GALNT15: variants seen among roughly 807,000 people sequenced by gnomAD.
GALNT15 encodes UDP-GalNAc transferase T15.
A neutral mutation model predicts 66.8 loss-of-function variants in GALNT15; 67 were observed. The observed-to-expected ratio is 1.00, with a 90% confidence interval of 0.82 to 1.23. The LOEUF (loss-of-function observed/expected upper bound fraction) is 1.23. Ranked by LOEUF, GALNT15 falls within the 50% of genes most tolerant of loss-of-function variation. The pLI, the probability that GALNT15 is intolerant of heterozygous loss-of-function variation, is 0.00. For missense variants in GALNT15, 827 were observed against 804.3 expected (o/e 1.03, Z -0.34); for synonymous variants, 313 against 311.5 (o/e 1.00, Z -0.05).
chr3:16,221,451 T>G (rs181561761), intron 8 of GALNT15, among the ~76,000 whole-genome samples: 1 of 151,902 alleles, frequency 6.6e-6, no homozygotes, highest in Admixed American at 6.6e-5. Context: ...AAGAGGCAAC[T>G]GAAAGTAGAG....
rs1430682896 is a variant in GALNT15, at chr3:16,211,058, C to A, written c.1080-66C>A. The A allele has an allele frequency of 1.7e-6, 2 of 1,204,178 alleles. No homozygotes were observed. The highest frequency in any genetic ancestry group is 2.5e-6 in the Non-Finnish European group (2 of 813,006). The allele number at this position is 1,204,178 out of a possible 1,614,324, so 74.6% of individuals were successfully genotyped here. The stretch of plus-strand genomic sequence containing the variant: ...GGAGCTCCCACCTGGGAAGCCCCAG[C>A]CCCCAGCCTCGCCTGCTGTGCTCTG... On this transcript the variant is annotated intron_variant, in intron 4 of 9. Transcript: ENST00000339732. The surrounding 1 kb of genome is among the most constrained non-coding windows in gnomAD (Gnocchi z 4.3).
In GALNT15 at chr3:16,229,621, G is replaced by A. The variant is rs1213942905; in HGVS notation, c.*2121G>A. 2.5e-5 allele frequency: 25 copies of A among 985,276 alleles called. No homozygotes were observed. The highest frequency in any genetic ancestry group is 2.8e-5 in the Non-Finnish European group (23 of 829,936). The allele number at this position is 985,276 out of a possible 1,614,324, so 61.0% of individuals were successfully genotyped here. Reference sequence around the variant, plus strand: ...GATGGCGACCGTGTAAATGGTATTAGCGGCTGAAGAAAAAAAATTTTTCAA... The same window carrying A: ...GATGGCGACCGTGTAAATGGTATTAACGGCTGAAGAAAAAAAATTTTTCAA... On this transcript the variant is annotated 3_prime_UTR_variant, in exon 10 of 10. Transcript: ENST00000339732.
the GALNT15 span, among the ~76,000 whole-genome samples, chr3:16,246,844 A>T: frequency 6.6e-6 from 1 of 152,212 alleles, no homozygotes; most frequent in Non-Finnish European, 1.5e-5. Flanking sequence ...TTAAATAAAA[A>T]TTAGGTGGGA....
Position 16,198,439 on chromosome 3 carries a change from G to A in GALNT15, c.707-2180G>A, listed in dbSNP as rs1260143348. ...GAGCTGCTGCCAGCAGTGACAGGAA[G>A]TCTCGAGAGATACGTGTTTTTAGCT... On this transcript the variant is annotated intron_variant, in intron 2 of 9. Transcript: ENST00000339732. Among the ~76,000 whole-genome samples the A allele has an allele frequency of 1.4e-5, 2 of 142,412 alleles. 1 individual carries two copies. Among genetic ancestry groups the A allele is most frequent in the Admixed American group, 1.4e-4 (2 of 14,036 alleles). 93.4% of individuals were successfully genotyped at this position (142,412 alleles called of 152,430 possible). A position where few individuals can be genotyped will look rare whatever the true frequency, so the allele number is the denominator to read the frequency against.
rs1000227925 is a variant in GALNT15, at chr3:16,200,649, T to G, written c.737T>G (p.Val246Gly). The change falls in exon 3 of 10, where the codon GTG (valine) becomes GGG (glycine). Residue 246 changes from valine (V) to glycine (G), a missense_variant. Transcript: ENST00000339732. This position sits in a 1 kb window ranked among gnomAD's most constrained non-coding sequence, Gnocchi z 4.4. ...GQLKSALSEY[V>G]ARLEGVKLLR... ...CTCAAGTCTGCTCTCAGCGAATATG[T>G]GGCCAGGCTGGAGGGGGTGAAGTTA... 6.3e-7 allele frequency: 1 copy of G among 1,582,990 alleles called. No homozygotes were observed. Among genetic ancestry groups the G allele is most frequent in the Admixed American group, 1.8e-5 (1 of 55,964 alleles).
At chr3:16,217,889 T>C (rs913126114) in intron 6 of GALNT15, among the ~76,000 whole-genome samples, 3 of 152,242 alleles carry the variant, frequency 2.0e-5, no homozygotes, top group African/African-American at 4.8e-5. Context: ...AAGAAACTTA[T>C]ACTAATTTAC....
the GALNT15 span, among the ~76,000 whole-genome samples, chr3:16,247,991 A>G: frequency 2.6e-5 from 4 of 152,224 alleles, no homozygotes; most frequent in African/African-American, 9.6e-5. Context: ...CGAAAACTCT[A>G]CAGCCCACCT....
Position 16,200,638 on chromosome 3 carries a change from C to T in GALNT15, c.726C>T (p.Leu242=), listed in dbSNP as rs370015694. Residue 242 remains leucine, a synonymous_variant, in exon 3 of 10, where the codon CTC becomes CTT. Coordinates refer to ENST00000339732, the MANE Select transcript of GALNT15 (RefSeq NM_054110.5). This position sits in a 1 kb window ranked among gnomAD's most constrained non-coding sequence, Gnocchi z 4.4. ...LSQQGQLKSA[L]SEYVARLEGV... ...TTCCAGGACAACTCAAGTCTGCTCT[C>T]AGCGAATATGTGGCCAGGCTGGAGG... is the stretch of plus-strand genomic sequence containing the variant. The T allele has an allele frequency of 7.6e-6, 12 of 1,572,346 alleles. No individual in the cohort carries two copies. Among genetic ancestry groups the T allele is most frequent in the Non-Finnish European group, 1.0e-5 (12 of 1,159,104 alleles).
At chr3:16,218,810 C>CTTTTTTTTTTT (rs10538222) in intron 6 of GALNT15, among the ~76,000 whole-genome samples, 1 of 92,920 alleles carries the variant, frequency 1.1e-5, no homozygotes, top group Non-Finnish European at 2.0e-5. Context: ...CTCTCTCTCT[C>CTTTTTTTTTTT]TTTTTTTTTT....
Position 16,203,535 on chromosome 3 carries a change from T to TCA in GALNT15, c.911+2713_911+2714insAC, listed in dbSNP as rs1422914397. Among the ~76,000 whole-genome samples, 35 of 91,208 alleles carry TCA rather than the reference T, an allele frequency of 3.8e-4. No homozygotes were observed. The highest frequency in any genetic ancestry group is 1.3e-3 in the African/African-American group (34 of 25,994). The allele number at this position is 91,208 out of a possible 152,430, so 59.8% of individuals were successfully genotyped here. A position where few individuals can be genotyped will look rare whatever the true frequency, so the allele number is the denominator to read the frequency against. ...TGGTCACTCATTCTCTCTCTCTCTC[T>TCA]CTCTCTCTCACACACACACACACAC... On this transcript the variant is annotated intron_variant, in intron 3 of 9. Transcript: ENST00000339732. The surrounding 1 kb of genome is among the most constrained non-coding windows in gnomAD (Gnocchi z 6.2).
In GALNT15 at chr3:16,176,419, C is replaced by T. The variant is rs1406823591; in HGVS notation, c.539+729C>T. ...GTGAGCTCCAGTCTGCCTGACCCAC[C>T]ACTCCATGCCACCTGCCTTGGGCCA... On this transcript the variant is annotated intron_variant, in intron 1 of 9. Transcript: ENST00000339732. The surrounding 1 kb of genome is among the most constrained non-coding windows in gnomAD (Gnocchi z 5.6). Among the ~76,000 whole-genome samples, 1 of 152,188 alleles carries T rather than the reference C, an allele frequency of 6.6e-6. No individual in the cohort carries two copies. The highest frequency in any genetic ancestry group is 2.4e-5 in the African/African-American group (1 of 41,456).
intron 1 of GALNT15, among the ~76,000 whole-genome samples, chr3:16,179,850 C>T (rs2063450684): frequency 6.6e-6 from 1 of 152,140 alleles, no homozygotes; most frequent in South Asian, 2.1e-4. Flanking sequence ...GATGGAACCG[C>T]AAACAGGAAC....
chr3:16,229,118 C>A lies in GALNT15; in HGVS notation c.*1618C>A, dbSNP rs924933. On this transcript the variant is annotated 3_prime_UTR_variant, in exon 10 of 10. Transcript: ENST00000339732. ...CCTAAAGATGCTAATCTCCTTTGGG[C>A]TGTCTCAGAACACAGTATCCTTCAA... The A allele has an allele frequency of 0.15, 145,013 of 984,994 alleles. 11,086 individuals are homozygous for A. Among genetic ancestry groups the A allele is most frequent in the East Asian group, 0.27 (2,421 of 8,808 alleles). 61.0% of individuals were successfully genotyped at this position (984,994 alleles called of 1,614,324 possible). A position where few individuals can be genotyped will look rare whatever the true frequency, so the allele number is the denominator to read the frequency against.
At chr3:16,242,604 A>T in the GALNT15 span, among the ~76,000 whole-genome samples, 4 of 152,168 alleles carry the variant, frequency 2.6e-5, no homozygotes, top group East Asian at 7.7e-4. The surrounding 1 kb of genome is among the most constrained non-coding windows in gnomAD (Gnocchi z 5.6). Flanking sequence ...CCAAAAAAAA[A>T]TAAAATAAAA....
At chr3:16,198,503 G>C (rs1472604639) in intron 2 of GALNT15, among the ~76,000 whole-genome samples, 1 of 141,564 alleles carries the variant, frequency 7.1e-6, no homozygotes, top group Admixed American at 7.2e-5. Flanking sequence ...TACAGTGGAA[G>C]GGGAGAATGA....
rs1425924375 is a variant in GALNT15 at position 16,195,270 on chromosome 3, G to C, written c.540-490G>C. 3.9e-5 allele frequency among the ~76,000 whole-genome samples: 6 copies of C among 152,316 alleles called. No homozygotes were observed. In the East Asian group the frequency reaches 1.2e-3, roughly 29 times the overall value. On this transcript the variant is annotated intron_variant, in intron 1 of 9. Transcript: ENST00000339732. The surrounding 1 kb of genome is among the most constrained non-coding windows in gnomAD (Gnocchi z 4.6). ...AAAGACTAGAGCAGAGGTTCTCAAA[G>C]TGTGGTCCACAGAAAACAGCAGCAT... is the stretch of plus-strand genomic sequence containing the variant.
In GALNT15 at chr3:16,212,573, G is replaced by A; in HGVS notation, c.1202G>A (p.Trp401Ter). 2 of 1,612,488 alleles carry A rather than the reference G, an allele frequency of 1.2e-6. No individual in the cohort carries two copies. Among genetic ancestry groups the A allele is most frequent in the Non-Finnish European group, 1.7e-6 (2 of 1,178,972 alleles). ...TATCTTTTCCCTTCGTGGCAGGCCT[G>A]GCTCTGTGGTGGCTCTGTTGAAATC... Reference protein sequence around the residue: ...GENLELSFKAWLCGGSVEILP... With the variant: ...GENLELSFKA Residue 401 changes from tryptophan to a stop codon, truncating the protein, a stop_gained, in exon 6 of 10, where the codon TGG becomes TAG. Transcript: ENST00000339732. LOFTEE classifies it high-confidence loss of function.
At chr3:16,178,162 T>C (rs574671749) in intron 1 of GALNT15, among the ~76,000 whole-genome samples, 2 of 152,276 alleles carry the variant, frequency 1.3e-5, no homozygotes, top group South Asian at 2.1e-4. Flanking sequence ...GATACATGTG[T>C]ATATGTGCAG....
rs2063742271 is a variant in GALNT15 at position 16,204,966 on chromosome 3, C to CGT, written c.912-3536_912-3535insTG. On this transcript the variant is annotated intron_variant, in intron 3 of 9. Coordinates refer to ENST00000339732, the MANE Select transcript of GALNT15 (RefSeq NM_054110.5). This position sits in a 1 kb window ranked among gnomAD's most constrained non-coding sequence, Gnocchi z 4.5. ...GCATGTGCGTGCGTGTGTGTGTGCG[C>CGT]GCGCATGTGCGCGTCAAGGAGCAGC... is the stretch of plus-strand genomic sequence containing the variant. 6.6e-6 allele frequency among the ~76,000 whole-genome samples: 1 copy of CGT among 152,152 alleles called. No homozygotes were observed. The highest frequency in any genetic ancestry group is 2.4e-5 in the African/African-American group (1 of 41,422).
Sources: allele counts gnomAD v4.1 joint callset (sites outside exome capture counted in the v4.1 genomes callset), GRCh38; gene constraint gnomAD v4.1.1; non-coding constraint Gnocchi (gnomAD v3.1); transcripts MANE v1.5; gene names NCBI Gene and HGNC (gene_info 2026-07-23, HGNC 2026-07-21).